Variants in ANO5 observed in about 807,000 individuals in gnomAD.
ANO5 encodes anoctamin 5, also known as anoctamin-5.
ANO5 carries 109 observed loss-of-function variants against 121.0 expected under a neutral mutation model. The observed-to-expected ratio is 0.90, with a 90% confidence interval of 0.77 to 1.06. ANO5 has a LOEUF of 1.06. Among genes scored for constraint, ANO5 ranks in the 50% least tolerant of loss-of-function variants. The pLI is 0.00. For synonymous variants in ANO5, 406 were observed against 359.9 expected (o/e 1.13, Z -1.45); for missense variants, 1,064 against 1,078.5 (o/e 0.99, Z 0.19).
intron 21 of ANO5, among the ~76,000 whole-genome samples, chr11:22,277,234 T>C (rs1260931483): frequency 1.3e-5 from 2 of 151,612 alleles, no homozygotes; most frequent in Non-Finnish European, 3.0e-5. Context: ...TTTCTCCTAC[T>C]GCTCAATAAT....
intron 13 of ANO5, among the ~76,000 whole-genome samples, chr11:22,256,726 T>G (rs1487680549): frequency 1.4e-5 from 2 of 142,218 alleles, no homozygotes; most frequent in Non-Finnish European, 2.9e-5. Context: ...TGAAACAGAG[T>G]TTTTTTTTGT....
At chr11:22,276,697 T>A (rs1854865558) in intron 21 of ANO5, among the ~76,000 whole-genome samples, 1 of 151,634 alleles carries the variant, frequency 6.6e-6, no homozygotes, top group Non-Finnish European at 1.5e-5. Context: ...TTATGCTTCC[T>A]CTCTTGTGGA....
intron 4 of ANO5, 115 bp from the exon 5 acceptor site, chr11:22,220,982 T>C: frequency 5.4e-6 from 4 of 747,652 alleles, no homozygotes; most frequent in Non-Finnish European, 9.1e-6. Context: ...AATCTGTTGC[T>C]GAAAACTCTG....
At chr11:22,215,931 G>A (rs4922613) in intron 3 of ANO5, among the ~76,000 whole-genome samples, 5,179 of 151,702 alleles carry the variant, frequency 0.034, 105 homozygotes, top group African/African-American at 0.045. Flanking sequence ...GCTTTTGCTC[G>A]TCACAATGTT....
chr11:22,275,432 T>C (rs982529407), intron 20 of ANO5, among the ~76,000 whole-genome samples: 6 of 151,930 alleles, frequency 3.9e-5, no homozygotes, highest in South Asian at 2.1e-4. Flanking sequence ...TATATTGTTA[T>C]ATTACATATT....
chr11:22,232,105 T>A (rs771090548), intron 7 of ANO5, among the ~76,000 whole-genome samples: 1 of 152,056 alleles, frequency 6.6e-6, no homozygotes, highest in Non-Finnish European at 1.5e-5. Flanking sequence ...TTTTAAATTT[T>A]ATAAAAATGC....
chr11:22,231,910 A>G (rs1329946631), intron 7 of ANO5, among the ~76,000 whole-genome samples: 1 of 152,000 alleles, frequency 6.6e-6, no homozygotes, highest in Non-Finnish European at 1.5e-5. Context: ...ATGGACGCAT[A>G]AAATGATAGA....
At chr11:22,234,965 C>T (rs568739183) in intron 7 of ANO5, among the ~76,000 whole-genome samples, 1 of 152,140 alleles carries the variant, frequency 6.6e-6, no homozygotes, top group Admixed American at 6.6e-5. Context: ...TGATGTATAG[C>T]AGCTCCTCCT....
chr11:22,207,263 G>A (rs1852149073), intron 2 of ANO5, among the ~76,000 whole-genome samples: 1 of 151,966 alleles, frequency 6.6e-6, no homozygotes. Flanking sequence ...GAAGAAAGTG[G>A]GAGAAAACCC....
intron 8 of ANO5, among the ~76,000 whole-genome samples, chr11:22,239,368 A>G (rs1853345981): frequency 6.6e-6 from 1 of 152,074 alleles, no homozygotes; most frequent in South Asian, 2.1e-4. Flanking sequence ...TTTTACTTGC[A>G]TTTTGAGATA....
chr11:22,228,552 T>G (rs1187951030), intron 7 of ANO5, among the ~76,000 whole-genome samples: 1 of 151,992 alleles, frequency 6.6e-6, no homozygotes, highest in Non-Finnish European at 1.5e-5. Flanking sequence ...TTAATGTTAG[T>G]CATCCTACTA....
chr11:22,218,581 C>T (rs918246068), intron 4 of ANO5, among the ~76,000 whole-genome samples: 26 of 151,976 alleles, frequency 1.7e-4, no homozygotes, highest in African/African-American at 5.8e-4. Flanking sequence ...TTTGTTTTCA[C>T]ACAGAGTCTT....
At chr11:22,270,477 G>C (rs780993469) in intron 18 of ANO5, 35 bp downstream of exon 18, 2 of 1,612,676 alleles carry the variant, frequency 1.2e-6, no homozygotes, top group South Asian at 2.2e-5. Flanking sequence ...ACATAGAGTT[G>C]GCATGAATGA....
At chr11:22,273,011 G>A in intron 19 of ANO5, 22 bp downstream of exon 19, 1 of 1,604,734 alleles carries the variant, frequency 6.2e-7, no homozygotes, top group Non-Finnish European at 8.5e-7. Flanking sequence ...TATTTCGGTG[G>A]GGTGACTTTG....
In ANO5 at chr11:22,221,232, T is replaced by C. The variant is rs191881363; in HGVS notation, c.294+22T>C. On this transcript the variant is annotated intron_variant, in intron 5 of 21. Transcript: ENST00000324559. Reference sequence around the variant, plus strand: ...GGCGGTAAGTGCATTATAACAGAAGTGGGAATAATAAAAAGAAGCACATTT... The same window carrying C: ...GGCGGTAAGTGCATTATAACAGAAGCGGGAATAATAAAAAGAAGCACATTT... 32 of 1,539,542 alleles carry C rather than the reference T, an allele frequency of 2.1e-5. No individual in the cohort carries two copies. In the African/African-American group the frequency reaches 3.4e-4, roughly 16 times the overall value.
intron 17 of ANO5, among the ~76,000 whole-genome samples, chr11:22,264,986 T>C (rs1019177366): frequency 1.3e-5 from 2 of 152,154 alleles, no homozygotes; most frequent in Admixed American, 1.3e-4. Flanking sequence ...GGCTTCCACA[T>C]TAATCTACTA....
At chr11:22,197,320 G>A (rs1851842397) in intron 1 of ANO5, among the ~76,000 whole-genome samples, 1 of 150,486 alleles carries the variant, frequency 6.6e-6, no homozygotes, top group East Asian at 2.0e-4. Flanking sequence ...AACAAACATT[G>A]CCAGTAAAAT....
At chr11:22,244,577 CTTTTT>C (rs34123612) in intron 9 of ANO5, among the ~76,000 whole-genome samples, 1 of 131,138 alleles carries the variant, frequency 7.6e-6, no homozygotes. Context: ...AGGTTTTGTT[CTTTTT>C]TTTTTTTTTT....
At chr11:22,261,432 A>C (rs956464442) in intron 15 of ANO5, 3 of 152,590 alleles carry the variant, frequency 2.0e-5, no homozygotes, top group African/African-American at 7.2e-5. Context: ...TAGGAGACAG[A>C]GGCAGGTGGA....
Sources: allele counts gnomAD v4.1 joint callset (sites outside exome capture counted in the v4.1 genomes callset), GRCh38; gene constraint gnomAD v4.1.1; transcripts MANE v1.5; gene names NCBI Gene and HGNC (gene_info 2026-07-23, HGNC 2026-07-21).